ZNF644: variants seen among roughly 807,000 people sequenced by gnomAD.
ZNF644 encodes zinc finger protein 644.
ZNF644 carries 20 observed loss-of-function variants against 108.0 expected under a neutral mutation model. That is an observed-to-expected ratio of 0.19 (90% CI 0.13 to 0.27). The LOEUF is 0.27. Ranked by LOEUF, ZNF644 falls within the 10% of genes least tolerant of loss-of-function variation. The probability of loss-of-function intolerance (pLI) is 1.00; values close to 1 mark genes in which losing one functional copy is unlikely to be tolerated. For missense variants in ZNF644, 1,338 were observed against 1,548.9 expected (o/e 0.86, Z 2.29); for synonymous variants, 542 against 539.1 (o/e 1.01, Z -0.08).
chr1:90,982,557 C>A (rs1327793415), intron 1 of ZNF644, among the ~76,000 whole-genome samples, 187 bp from the exon 2 acceptor site: 1 of 151,826 alleles, frequency 6.6e-6, no homozygotes. Context: ...GCTAAGTGCC[C>A]CCCAACCTCA....
chr1:90,991,053 G>A (rs1657586133), intron 1 of ZNF644, among the ~76,000 whole-genome samples: 1 of 152,134 alleles, frequency 6.6e-6, no homozygotes, highest in South Asian at 2.1e-4. Flanking sequence ...TTTATTACAT[G>A]TCAATTATGC....
Position 90,938,669 on chromosome 1 carries a change from G to C in ZNF644, c.2685C>G (p.Ser895Arg). Residue 895 changes from serine (S) to arginine (R), a missense_variant, in exon 3 of 6, where the codon AGC becomes AGG. Ser to Arg is a moderately radical substitution (Grantham distance 110). Around this residue, in one of 6 missense-constraint regions of ZNF644, gnomAD observed 462 missense variants for 472.6 expected, o/e 0.98. Coordinates refer to ENST00000337393, the MANE Select transcript of ZNF644 (RefSeq NM_201269.3). This position sits in a 1 kb window ranked among gnomAD's most constrained non-coding sequence, Gnocchi z 4.2. Reference protein sequence around the residue: ...EHVNLFPLFKSKVEGQEPGEN... With the variant: ...EHVNLFPLFKRKVEGQEPGEN... Reference sequence around the variant, plus strand: ...CTCCAGGCTCCTGACCTTCCACTTTGCTCTTAAATAAAGGGAATAAATTTA... The same window carrying C: ...CTCCAGGCTCCTGACCTTCCACTTTCCTCTTAAATAAAGGGAATAAATTTA... 6.2e-7 allele frequency: 1 copy of C among 1,611,202 alleles called. No homozygotes were observed. Among genetic ancestry groups the C allele is most frequent in the Non-Finnish European group, 8.5e-7 (1 of 1,179,286 alleles).
In ZNF644 at chr1:90,916,849, G is replaced by T. The variant is rs114618312; in HGVS notation, c.3933C>A (p.Ala1311=). 6.2e-7 allele frequency: 1 copy of T among 1,614,170 alleles called. No individual in the cohort carries two copies. Among genetic ancestry groups the T allele is most frequent in the Non-Finnish European group, 8.5e-7 (1 of 1,180,036 alleles). ...GAGAAAATGAAGTTTCTGTAATGGA[G>T]GCAGGCTTTTTAAGTAGTGACGTGA... is the stretch of plus-strand genomic sequence containing the variant. ...VEVTSLLKKP[A]SITETSFSLL... Residue 1311 remains alanine, a synonymous_variant, in exon 6 of 6, where the codon GCC becomes GCA. Coordinates refer to ENST00000337393, the MANE Select transcript of ZNF644 (RefSeq NM_201269.3).
At position 91,013,482 on chromosome 1, in the gene ZNF644, CAT is replaced by C. The variant is rs879624001; in HGVS notation, c.-18+8506_-18+8507del. Among the ~76,000 whole-genome samples, 921 of 139,696 alleles carry C rather than the reference CAT, an allele frequency of 6.6e-3. 3 individuals carry two copies. The highest frequency in any genetic ancestry group is 8.6e-3 in the African/African-American group (296 of 34,446). 91.6% of individuals were successfully genotyped at this position (139,696 alleles called of 152,430 possible). ...ACACACACACACACACACACACACA[CAT>C]ACACACACACACACACATATACACA... is the stretch of plus-strand genomic sequence containing the variant. On this transcript the variant is annotated intron_variant, in intron 1 of 5. Coordinates refer to ENST00000337393, the MANE Select transcript of ZNF644 (RefSeq NM_201269.3).
chr1:91,009,347 CTG>C (rs1299709976), intron 1 of ZNF644, among the ~76,000 whole-genome samples: 1 of 151,978 alleles, frequency 6.6e-6, no homozygotes, highest in Non-Finnish European at 1.5e-5. Context: ...ATTTAAAAAA[CTG>C]TATTACTTCT....
intron 1 of ZNF644, among the ~76,000 whole-genome samples, chr1:91,010,103 T>G (rs571725822): frequency 6.6e-6 from 1 of 152,170 alleles, no homozygotes; most frequent in Non-Finnish European, 1.5e-5. Context: ...GAACTCCTTA[T>G]TTCCAATTTC....
At position 90,938,040 on chromosome 1, in the gene ZNF644, C is replaced by T. The variant is rs768231917; in HGVS notation, c.3133G>A (p.Gly1045Ser). 2.5e-6 allele frequency: 4 copies of T among 1,610,484 alleles called. No homozygotes were observed. Among genetic ancestry groups the T allele is most frequent in the Non-Finnish European group, 3.4e-6 (4 of 1,179,812 alleles). Reference protein sequence around the residue: ...TSEHTCQLCGGWFDTKIGLSN... With the variant: ...TSEHTCQLCGSWFDTKIGLSN... ...AATCCAATTTTAGTATCAAACCAAC[C>T]ACCACAGAGCTGACAAGTGTGTTCA... The change falls in exon 4 of 6, where the codon GGT (glycine) becomes AGT (serine). Residue 1045 changes from glycine (G) to serine (S), a missense_variant. Gly to Ser is a moderately conservative substitution (Grantham distance 56, BLOSUM62 0). This residue lies in a region of ZNF644 where 287 missense variants were observed against 310.9 expected (regional missense o/e 0.92). Coordinates refer to ENST00000337393, the MANE Select transcript of ZNF644 (RefSeq NM_201269.3). The surrounding 1 kb of genome is among the most constrained non-coding windows in gnomAD (Gnocchi z 4.2).
At chr1:90,919,387 T>G (rs576462078) in intron 4 of ZNF644, among the ~76,000 whole-genome samples, 1 of 152,134 alleles carries the variant, frequency 6.6e-6, no homozygotes, top group Non-Finnish European at 1.5e-5. Flanking sequence ...GTGAAACGAA[T>G]TGTTCAAAGT....
At chr1:90,973,673 T>C (rs1655723615) in intron 2 of ZNF644, among the ~76,000 whole-genome samples, 1 of 152,124 alleles carries the variant, frequency 6.6e-6, no homozygotes, top group Non-Finnish European at 1.5e-5. Flanking sequence ...CATATATATA[T>C]ATAAGGTAAC....
At chr1:90,961,524 G>C (rs187885535) in intron 2 of ZNF644, among the ~76,000 whole-genome samples, 1 of 152,152 alleles carries the variant, frequency 6.6e-6, no homozygotes, top group East Asian at 1.9e-4. Flanking sequence ...GTGTACAATG[G>C]AGTTTTCCAG....
chr1:90,917,888 T>C (rs1648980833), intron 5 of ZNF644, among the ~76,000 whole-genome samples, 164 bp downstream of exon 5: 1 of 152,240 alleles, frequency 6.6e-6, no homozygotes, highest in Admixed American at 6.5e-5. Context: ...AGTACGGATA[T>C]TGTGAGCTGA....
chr1:91,003,068 T>G (rs1402491919), intron 1 of ZNF644, among the ~76,000 whole-genome samples: 1 of 152,212 alleles, frequency 6.6e-6, no homozygotes, highest in East Asian at 1.9e-4. Context: ...TAGGAATGCT[T>G]TTACACTGTT....
At chr1:91,014,234 T>C (rs904035319) in intron 1 of ZNF644, among the ~76,000 whole-genome samples, 3 of 152,200 alleles carry the variant, frequency 2.0e-5, no homozygotes, top group African/African-American at 7.2e-5. Flanking sequence ...AAGTATGCAA[T>C]ATTAACTATA....
At chr1:90,926,124 G>A (rs1032832420) in intron 4 of ZNF644, among the ~76,000 whole-genome samples, 2 of 152,162 alleles carry the variant, frequency 1.3e-5, no homozygotes, top group Non-Finnish European at 2.9e-5. Context: ...TGTTTTTGTG[G>A]TTTTGAACTG....
rs1557576132 is a variant in ZNF644 at position 90,941,207 on chromosome 1, G to C, written c.147C>G (p.Ile49Met). The C allele has an allele frequency of 6.2e-7, 1 of 1,606,328 alleles. No individual in the cohort carries two copies. Among genetic ancestry groups the C allele is most frequent in the Non-Finnish European group, 8.5e-7 (1 of 1,177,506 alleles). Residue 49 changes from isoleucine to methionine, a missense_variant, in exon 3 of 6, where the codon ATC becomes ATG. Ile to Met is a conservative substitution (Grantham distance 10). This residue lies in a region of ZNF644 where 464 missense variants were observed against 457.9 expected (regional missense o/e 1.01). Coordinates refer to ENST00000337393, the MANE Select transcript of ZNF644 (RefSeq NM_201269.3). The stretch of plus-strand genomic sequence containing the variant: ...TATGAACTCCGCTCTCTTTGTCTGA[G>C]ATAAAATTGTTGTCATCTAGGAGTT... ...KEELLDDNNF[I>M]SDKESGVHKP...
Position 91,009,683 on chromosome 1 carries a change from A to G in ZNF644, c.-18+12307T>C, listed in dbSNP as rs149434503. 4.9e-3 allele frequency among the ~76,000 whole-genome samples: 743 copies of G among 152,270 alleles called. 8 individuals carry two copies. The highest frequency in any genetic ancestry group is 0.017 in the African/African-American group (691 of 41,510). On this transcript the variant is annotated intron_variant, in intron 1 of 5. Coordinates refer to ENST00000337393, the MANE Select transcript of ZNF644 (RefSeq NM_201269.3). The stretch of plus-strand genomic sequence containing the variant: ...CAGCATACAAGTACAAGCTCTTCTT[A>G]CCAGTTACCTTAAATATTTTTTACT...
At chr1:90,970,551 A>C (rs1026202712) in intron 2 of ZNF644, among the ~76,000 whole-genome samples, 2 of 152,126 alleles carry the variant, frequency 1.3e-5, no homozygotes, top group Non-Finnish European at 2.9e-5. Flanking sequence ...TAAAACTACT[A>C]ATGTTCAGTC....
chr1:90,963,673 AAAT>A (rs1570446851), intron 2 of ZNF644, among the ~76,000 whole-genome samples: 1 of 152,222 alleles, frequency 6.6e-6, no homozygotes, highest in East Asian at 1.9e-4. Flanking sequence ...AAGCTAGACA[AAAT>A]AATACTTCTG....
At chr1:91,002,871 G>C (rs1020508845) in intron 1 of ZNF644, among the ~76,000 whole-genome samples, 2 of 152,058 alleles carry the variant, frequency 1.3e-5, no homozygotes, top group African/African-American at 4.8e-5. Context: ...GTGGGCAAAG[G>C]ATATGAACAG....
Sources: gnomAD v4.1 joint callset for allele counts (sites outside exome capture counted in the v4.1 genomes callset) on GRCh38, gnomAD v4.1.1 for gene constraint, gnomAD v4.1.1 regional missense constraint, Gnocchi (gnomAD v3.1) non-coding constraint, MANE v1.5 for transcripts, NCBI Gene and HGNC (gene_info 2026-07-23, HGNC 2026-07-21) for gene names.